NECTIN1: variants seen among roughly 807,000 people sequenced by gnomAD.
The protein encoded by NECTIN1 is nectin-1.
Under a neutral mutation model 48.0 loss-of-function variants are expected in NECTIN1, and 23 were observed. The observed-to-expected ratio is 0.48, with a 90% confidence interval of 0.34 to 0.68. The LOEUF is 0.68. NECTIN1 is among the 30% of genes least tolerant of loss of function. The probability of loss-of-function intolerance (pLI) is 0.01; values close to 1 mark genes in which losing one functional copy is unlikely to be tolerated. For synonymous variants in NECTIN1, 270 were observed against 288.9 expected (o/e 0.93, Z 0.66); for missense variants, 591 against 709.9 (o/e 0.83, Z 1.90).
intron 1 of NECTIN1, chr11:119,713,775 C>T (rs187231778): frequency 1.3e-3 from 596 of 451,080 alleles, no homozygotes; most frequent in Non-Finnish European, 1.8e-3. Flanking sequence ...CCTCACCCCC[C>T]GCCCTCTGGA....
intron 5 of NECTIN1, among the ~76,000 whole-genome samples, chr11:119,670,246 C>T (rs1864843777): frequency 6.6e-6 from 1 of 152,182 alleles, no homozygotes; most frequent in African/African-American, 2.4e-5. Flanking sequence ...AGGTGTGAGC[C>T]ACCACGCCCA....
At chr11:119,658,227 T>G (rs1455474104), downstream of NECTIN1, among the ~76,000 whole-genome samples, 1 of 152,058 alleles carries the variant, frequency 6.6e-6, no homozygotes, top group African/African-American at 2.4e-5. Context: ...ATGTGCTGTG[T>G]GTGTGCTGTG....
intron 5 of NECTIN1, chr11:119,674,245 A>C: frequency 1.0e-6 from 1 of 964,002 alleles, no homozygotes; most frequent in Non-Finnish European, 1.3e-6. Flanking sequence ...CTTTTTTAAG[A>C]CACTCGGTCA....
chr11:119,694,922 C>T (rs1344597748), intron 1 of NECTIN1, among the ~76,000 whole-genome samples: 1 of 151,984 alleles, frequency 6.6e-6, no homozygotes, highest in Non-Finnish European at 1.5e-5. Flanking sequence ...ATCAATATAG[C>T]CCCTTGACTC....
chr11:119,689,640 A>C (rs10892431), intron 1 of NECTIN1, among the ~76,000 whole-genome samples: 2,700 of 152,282 alleles, frequency 0.018, 61 homozygotes, highest in African/African-American at 0.048. Flanking sequence ...CACATTCCAA[A>C]CAGGCAGCAG....
intron 5 of NECTIN1, among the ~76,000 whole-genome samples, chr11:119,670,461 A>G (rs563132648): frequency 7.2e-5 from 11 of 152,262 alleles, no homozygotes; most frequent in African/African-American, 2.6e-4. Context: ...TGTCTTAGAG[A>G]TAAGCCTTGT....
intron 4 of NECTIN1, chr11:119,676,823 CAA>C (rs1366274161): frequency 2.0e-6 from 1 of 490,630 alleles, no homozygotes; most frequent in Non-Finnish European, 3.7e-6. Flanking sequence ...AGGAAAACGA[CAA>C]AACTCTTTAT....
At chr11:119,692,724 T>C (rs1171873588) in intron 1 of NECTIN1, among the ~76,000 whole-genome samples, 1 of 152,196 alleles carries the variant, frequency 6.6e-6, no homozygotes, top group East Asian at 1.9e-4. Context: ...ATTGTCCCCA[T>C]CTTAGAGATG....
chr11:119,653,302 C>G (rs1162812722), intron 5 of NECTIN1, among the ~76,000 whole-genome samples: 2 of 152,244 alleles, frequency 1.3e-5, no homozygotes, highest in East Asian at 3.8e-4. Flanking sequence ...GAGACCTATC[C>G]TCTCGCTTCC....
chr11:119,652,173 A>C (rs1176188856), intron 5 of NECTIN1, among the ~76,000 whole-genome samples: 1 of 152,032 alleles, frequency 6.6e-6, no homozygotes, highest in Non-Finnish European at 1.5e-5. Flanking sequence ...GCCCCAGGAA[A>C]TTTCCATTGC....
intron 5 of NECTIN1, among the ~76,000 whole-genome samples, chr11:119,647,160 C>CGTGT (rs1565375700): frequency 6.3e-4 from 45 of 71,358 alleles, no homozygotes; most frequent in Admixed American, 1.2e-3. Flanking sequence ...GCTTGCGGCG[C>CGTGT]ATGTGTGTGT....
intron 5 of NECTIN1, among the ~76,000 whole-genome samples, chr11:119,648,277 ATGGTGGTGGTGATGG>A (rs1864429485): frequency 1.2e-4 from 3 of 25,034 alleles, no homozygotes; most frequent in Middle Eastern, 0.024. Flanking sequence ...GGTGGTGGTG[ATGGTGGTGGTGATGG>A]TGGTGGTGGT....
chr11:119,675,578 G>T, intron 4 of NECTIN1: 1 of 403,240 alleles, frequency 2.5e-6, no homozygotes, highest in South Asian at 2.7e-5. Context: ...TGAGGTTCAA[G>T]GCCAGGGAAC....
At chr11:119,699,100 C>A (rs957701875) in intron 1 of NECTIN1, among the ~76,000 whole-genome samples, 28 of 152,100 alleles carry the variant, frequency 1.8e-4, no homozygotes, top group African/African-American at 6.5e-4. Flanking sequence ...AGGTAGGGGC[C>A]CAGGAGAGCT....
chr11:119,719,915 G>T (rs949857281), intron 1 of NECTIN1, among the ~76,000 whole-genome samples: 1 of 152,190 alleles, frequency 6.6e-6, no homozygotes, highest in Non-Finnish European at 1.5e-5. Context: ...AATAGAAGTG[G>T]CTCTTGACTT....
At chr11:119,706,681 G>C (rs10892435) in intron 1 of NECTIN1, among the ~76,000 whole-genome samples, 9,544 of 152,294 alleles carry the variant, frequency 0.063, 745 homozygotes, top group African/African-American at 0.17. Flanking sequence ...CAGCACAAAA[G>C]AGGGCAGGGG....
At chr11:119,642,738 G>T (rs1440070625) in intron 5 of NECTIN1, 2 of 153,498 alleles carry the variant, frequency 1.3e-5, no homozygotes, top group African/African-American at 4.8e-5. Flanking sequence ...TGTAGTATTT[G>T]CCTATAACCT....
chr11:119,664,312 T>G lies in NECTIN1; in HGVS notation c.*435A>C. The stretch of plus-strand genomic sequence containing the variant: ...CGGGAGGAGGAGCAGCATCTGGGGG[T>G]GTGGGGAGCTTTTCCCTCTTAGAGC... On this transcript the variant is annotated 3_prime_UTR_variant, in exon 6 of 6. Coordinates refer to ENST00000264025, the MANE Select transcript of NECTIN1 (RefSeq NM_002855.5). 1 of 1,000,820 alleles carries G rather than the reference T, an allele frequency of 1.0e-6. No individual in the cohort carries two copies. Among genetic ancestry groups the G allele is most frequent in the Non-Finnish European group, 1.2e-6 (1 of 839,428 alleles). 62.0% of individuals were successfully genotyped at this position (1,000,820 alleles called of 1,614,324 possible).
At chr11:119,686,100 G>A (rs541397793) in intron 1 of NECTIN1, among the ~76,000 whole-genome samples, 15 of 152,234 alleles carry the variant, frequency 9.9e-5, no homozygotes, top group African/African-American at 3.4e-4. Context: ...GGCAAAGCTG[G>A]AGCACACAGG....
Sources: allele counts gnomAD v4.1 joint callset (sites outside exome capture counted in the v4.1 genomes callset), GRCh38; gene constraint gnomAD v4.1.1; transcripts MANE v1.5; gene names NCBI Gene and HGNC (gene_info 2026-07-23, HGNC 2026-07-21).